Variants in KIAA1217 observed in about 807,000 individuals in gnomAD.
The protein encoded by KIAA1217 is KIAA1217, also known as sickle tail protein homolog.
A neutral mutation model predicts 163.9 loss-of-function variants in KIAA1217; 88 were observed. That is an observed-to-expected ratio of 0.54 (90% CI 0.45 to 0.64). The LOEUF (loss-of-function observed/expected upper bound fraction) is 0.64, where lower values mean the gene tolerates loss of function less well. Ranked by LOEUF, KIAA1217 falls within the 30% of genes least tolerant of loss-of-function variation. The pLI is 0.00. For missense variants in KIAA1217, 2,372 were observed against 2,475.0 expected, an observed-to-expected ratio of 0.96 and a Z score of 0.88; for synonymous variants, 903 against 923.1, an observed-to-expected ratio of 0.98 and a Z score of 0.39.
intron 11 of KIAA1217, among the ~76,000 whole-genome samples, chr10:24,520,643 AAAAAAAAAATATATATATAT>A (rs2071002721): frequency 1.1e-5 from 1 of 88,190 alleles, no homozygotes; most frequent in African/African-American, 6.1e-5. Context: ...AAAAAAAAAA[AAAAAAAAAATATATATATAT>A]ATATATATAT....
chr10:23,829,103 A>G (rs1286568545), intron 1 of KIAA1217, among the ~76,000 whole-genome samples: 3 of 152,196 alleles, frequency 2.0e-5, no homozygotes, highest in Non-Finnish European at 2.9e-5. Flanking sequence ...ATATAACACT[A>G]TTCAATTTGG....
At position 23,934,583 on chromosome 10, in the gene KIAA1217, ATATATATG is replaced by A. The variant is rs1334127032; in HGVS notation, c.-320-72634_-320-72627del. Among the ~76,000 whole-genome samples the A allele has an allele frequency of 6.2e-5, 4 of 64,050 alleles. No individual in the cohort carries two copies. In the African/African-American group the frequency reaches 6.8e-4, roughly 11 times the overall value. The allele number at this position is 64,050 out of a possible 152,430, so 42.0% of individuals were successfully genotyped here. On this transcript the variant is annotated intron_variant, in intron 1 of 18. Transcript: ENST00000376462. ...TATATATATATATATATATATATAT[ATATATATG>A]TATATATATATATATGTATATATAT...
chr10:23,764,256 A>G (rs1013382692), intron 1 of KIAA1217, among the ~76,000 whole-genome samples: 5 of 152,238 alleles, frequency 3.3e-5, no homozygotes, highest in Admixed American at 1.3e-4. Context: ...ACAATGAGTT[A>G]CCATCTCATG....
rs752885004 is a variant in KIAA1217 at position 24,545,059 on chromosome 10, C to G, written c.5290C>G (p.Pro1764Ala). 4.3e-5 allele frequency: 70 copies of G among 1,614,094 alleles called. 1 individual carries two copies. The South Asian group carries it at 7.7e-4, about 18-fold the overall frequency. The change falls in exon 20 of 21, where the codon CCC (proline) becomes GCC (alanine). Residue 1764 changes from proline (P) to alanine (A), a missense_variant. This residue lies in a region of KIAA1217 where 690 missense variants were observed against 677.5 expected (regional missense o/e 1.02). Coordinates refer to ENST00000376454, the MANE Select transcript of KIAA1217 (RefSeq NM_019590.5). ...AKNRPGTLDK[P>A]GKQSKLQDPR... ...GAACAGACCCGGAACCCTGGACAAA[C>G]CCGGCAAGCAGTCCAAACTGCAGGA...
intron 1 of KIAA1217, among the ~76,000 whole-genome samples, chr10:23,879,358 T>A (rs970086161): frequency 6.6e-6 from 1 of 151,886 alleles, no homozygotes; most frequent in Non-Finnish European, 1.5e-5. Context: ...GTACAAGGCA[T>A]CCTAGCATTT....
At chr10:23,793,472 T>G (rs1320698657) in intron 1 of KIAA1217, among the ~76,000 whole-genome samples, 1 of 152,182 alleles carries the variant, frequency 6.6e-6, no homozygotes, top group Admixed American at 6.5e-5. Context: ...TTTCCCTCCT[T>G]GTCTTCCAGT....
At chr10:24,452,115 G>A (rs574723950) in intron 5 of KIAA1217, among the ~76,000 whole-genome samples, 46 of 152,292 alleles carry the variant, frequency 3.0e-4, no homozygotes, top group African/African-American at 1.0e-3. Context: ...AGAAAAAAGT[G>A]TTTTTAAGAT....
chr10:24,059,976 A>G (rs887390662), intron 2 of KIAA1217, among the ~76,000 whole-genome samples: 4 of 152,162 alleles, frequency 2.6e-5, no homozygotes, highest in African/African-American at 9.7e-5. Flanking sequence ...GTAGTCTCTT[A>G]CAATCTATTC....
chr10:24,210,409 G>T (rs1333417846), intron 1 of KIAA1217, among the ~76,000 whole-genome samples: 5 of 152,090 alleles, frequency 3.3e-5, no homozygotes, highest in Non-Finnish European at 5.9e-5. Flanking sequence ...TCTCCTTCAG[G>T]CTACCGGGGT....
At chr10:24,204,995 A>T (rs942317165), upstream of KIAA1217, among the ~76,000 whole-genome samples, 2 of 152,222 alleles carry the variant, frequency 1.3e-5, no homozygotes, top group African/African-American at 4.8e-5. Context: ...TTTGAAAAGT[A>T]CATTTTAAGG....
At chr10:24,334,102 G>C (rs954933324) in intron 2 of KIAA1217, among the ~76,000 whole-genome samples, 6 of 152,148 alleles carry the variant, frequency 3.9e-5, no homozygotes, top group African/African-American at 1.4e-4. Flanking sequence ...GAGCAATTGT[G>C]GCTGGAGGAT....
chr10:23,965,345 C>T (rs1417909203), intron 1 of KIAA1217, among the ~76,000 whole-genome samples: 2 of 152,220 alleles, frequency 1.3e-5, no homozygotes, highest in Non-Finnish European at 2.9e-5. Context: ...TAACTGAGTG[C>T]AGTCTCACTG....
intron 2 of KIAA1217, among the ~76,000 whole-genome samples, chr10:24,103,545 C>T (rs992449992): frequency 6.6e-6 from 1 of 152,098 alleles, no homozygotes; most frequent in Non-Finnish European, 1.5e-5. Context: ...ACTCTTAAAA[C>T]CCAACAATAA....
intron 1 of KIAA1217, among the ~76,000 whole-genome samples, chr10:23,732,946 T>A (rs1395873731): frequency 6.6e-6 from 1 of 152,162 alleles, no homozygotes; most frequent in Admixed American, 6.6e-5. Flanking sequence ...TACATGATGA[T>A]TTACTTAATG....
At chr10:24,455,008 C>A (rs541041525) in intron 5 of KIAA1217, among the ~76,000 whole-genome samples, 1 of 151,672 alleles carries the variant, frequency 6.6e-6, no homozygotes, top group East Asian at 1.9e-4. Context: ...TCTGAGAGAA[C>A]CTCTGCATTT....
In KIAA1217 at chr10:23,898,312, C is replaced by T. The variant is rs540901574; in HGVS notation, c.-320-108913C>T. 3.7e-3 allele frequency among the ~76,000 whole-genome samples: 560 copies of T among 151,460 alleles called. 8 individuals carry two copies. Among genetic ancestry groups the T allele is most frequent in the African/African-American group, 0.011 (474 of 41,296 alleles). Reference sequence around the variant, plus strand: ...TTATAAGACTATATATATACACACACACACACACACACACATATATATAAT... The same window carrying T: ...TTATAAGACTATATATATACACACATACACACACACACACATATATATAAT... On this transcript the variant is annotated intron_variant, in intron 1 of 18. Transcript: ENST00000376462.
At chr10:24,152,339 C>T (rs188009065) in intron 2 of KIAA1217, among the ~76,000 whole-genome samples, 1 of 152,294 alleles carries the variant, frequency 6.6e-6, no homozygotes, top group Admixed American at 6.5e-5. Flanking sequence ...TCCACAGATA[C>T]AGAATGAGCG....
At chr10:24,330,161 G>C (rs1247954618) in intron 2 of KIAA1217, among the ~76,000 whole-genome samples, 1 of 151,924 alleles carries the variant, frequency 6.6e-6, no homozygotes, top group Non-Finnish European at 1.5e-5. Context: ...TTAGCCAGGC[G>C]TGGTGGCGTG....
intron 2 of KIAA1217, among the ~76,000 whole-genome samples, chr10:24,192,865 C>G (rs2066790282): frequency 6.6e-6 from 1 of 152,232 alleles, no homozygotes; most frequent in Non-Finnish European, 1.5e-5. Flanking sequence ...CCTGTGGCCT[C>G]AGACTCCTGG....
Sources: gnomAD v4.1 joint callset for allele counts (sites outside exome capture counted in the v4.1 genomes callset) on GRCh38, gnomAD v4.1.1 for gene constraint, gnomAD v4.1.1 regional missense constraint, MANE v1.5 for transcripts, NCBI Gene and HGNC (gene_info 2026-07-23, HGNC 2026-07-21) for gene names.